SIPA1L3: variants seen among roughly 807,000 people sequenced by gnomAD.
The protein encoded by SIPA1L3 is signal-induced proliferation-associated 1-like protein 3.
A neutral mutation model predicts 150.1 loss-of-function variants in SIPA1L3; 59 were observed. That is an observed-to-expected ratio of 0.39 (90% confidence interval 0.32 to 0.49). The LOEUF is 0.49. Ranked by LOEUF, SIPA1L3 falls within the 20% of genes least tolerant of loss-of-function variation. SIPA1L3 has a pLI of 0.86. For synonymous variants in SIPA1L3, 1,070 were observed against 1,077.6 expected (o/e 0.99, Z 0.14); for missense variants, 2,211 against 2,489.5 (o/e 0.89, Z 2.38).
intron 1 of SIPA1L3, among the ~76,000 whole-genome samples, chr19:37,920,613 A>T (rs778810711): frequency 6.6e-5 from 10 of 152,200 alleles, no homozygotes; most frequent in South Asian, 2.1e-4. Context: ...AAGTACAACA[A>T]ATTTCACCCA....
intron 1 of SIPA1L3, among the ~76,000 whole-genome samples, chr19:38,027,973 G>T (rs1285871802): frequency 6.6e-6 from 1 of 152,020 alleles, no homozygotes; most frequent in African/African-American, 2.4e-5. Flanking sequence ...GCACTTGTCT[G>T]CTAGGACAGA....
At position 38,082,749 on chromosome 19, in the gene SIPA1L3, T is replaced by C; in HGVS notation, c.1184T>C (p.Leu395Pro). The C allele has an allele frequency of 6.2e-7, 1 of 1,612,848 alleles. No individual in the cohort carries two copies. The highest frequency in any genetic ancestry group is 8.5e-7 in the Non-Finnish European group (1 of 1,179,846). Residue 395 changes from leucine (L) to proline (P), a missense_variant, in exon 3 of 22, where the codon CTG (leucine) becomes CCG (proline). Physicochemically the swap from Leu to Pro is moderately conservative, Grantham distance 98 (BLOSUM62 -3). Coordinates refer to ENST00000222345, the MANE Select transcript of SIPA1L3 (RefSeq NM_015073.3). ...TASRAHSLGGLDPAFTSTEDL... is the reference protein window; with the variant it reads ...TASRAHSLGGPDPAFTSTEDL... ...TCGCGGGCCCACAGCCTCGGAGGCC[T>C]GGACCCGGCCTTCACCAGCACAGAG...
At chr19:38,171,357 T>C (rs532504392) in intron 15 of SIPA1L3, among the ~76,000 whole-genome samples, 33 of 146,650 alleles carry the variant, frequency 2.3e-4, no homozygotes, top group Non-Finnish European at 4.3e-4. Flanking sequence ...CTGGGCAACA[T>C]AGACCCATCT....
chr19:38,201,245 A>T (rs1485656989), intron 19 of SIPA1L3, among the ~76,000 whole-genome samples: 2 of 152,198 alleles, frequency 1.3e-5, no homozygotes, highest in African/African-American at 4.8e-5. Flanking sequence ...ACAGGAAGAA[A>T]ATCTAAGTCA....
At position 38,099,997 on chromosome 19, in the gene SIPA1L3, T is replaced by C. The variant is rs1970463732; in HGVS notation, c.1701T>C (p.Ala567=). ...TGCGGGGCTCCATCCTGGAAGATGC[T>C]ACGCCCACAGCCACCAAGCATGGGA... ...ITLRGSILED[A]TPTATKHGTG... Residue 567 remains alanine (A), a synonymous_variant, in exon 5 of 22, where the codon GCT becomes GCC. Coordinates refer to ENST00000222345, the MANE Select transcript of SIPA1L3 (RefSeq NM_015073.3). The C allele has an allele frequency of 2.5e-6, 4 of 1,609,748 alleles. No homozygotes were observed. The Admixed American group carries it at 5.1e-5, about 20-fold the overall frequency.
At chr19:37,989,108 G>A (rs567134774) in intron 1 of SIPA1L3, among the ~76,000 whole-genome samples, 1 of 152,354 alleles carries the variant, frequency 6.6e-6, no homozygotes, top group African/African-American at 2.4e-5. Context: ...GGTGTTGGCT[G>A]TGTGATTGAG....
chr19:37,908,145 T>G (rs2046350520), intron 1 of SIPA1L3, among the ~76,000 whole-genome samples: 2 of 152,206 alleles, frequency 1.3e-5, no homozygotes, highest in South Asian at 4.1e-4. Context: ...ATTCAGCGTT[T>G]TCCTAGTGGC....
Position 37,959,240 on chromosome 19 carries a change from G to A in SIPA1L3, c.-379+51882G>A, listed in dbSNP as rs141729331. Among the ~76,000 whole-genome samples the A allele has an allele frequency of 1.7e-4, 26 of 152,290 alleles. No homozygotes were observed. The East Asian group carries it at 3.3e-3, about 19-fold the overall frequency. ...CTTGTGCATACATGTTCAGAGTAGC[G>A]TTATTCGTAACCCCAGAAGTGAAAA... On this transcript the variant is annotated intron_variant, in intron 1 of 21. Transcript: ENST00000222345.
chr19:38,190,233 C>A lies in SIPA1L3; in HGVS notation c.4431-1912C>A, dbSNP rs140590893. Among the ~76,000 whole-genome samples the A allele has an allele frequency of 8.2e-4, 125 of 152,298 alleles. 1 individual carries two copies. The highest frequency in any genetic ancestry group is 2.9e-3 in the African/African-American group (119 of 41,554). ...GCGTGCTGAAGGCCAGGCCTGCTTCCTCACTGCCGGGAGATGGGCACCATG... is the reference window on the plus strand; with the variant it reads ...GCGTGCTGAAGGCCAGGCCTGCTTCATCACTGCCGGGAGATGGGCACCATG... On this transcript the variant is annotated intron_variant, in intron 16 of 21. Coordinates refer to ENST00000222345, the MANE Select transcript of SIPA1L3 (RefSeq NM_015073.3).
intron 1 of SIPA1L3, chr19:37,932,277 G>A (rs62112287): frequency 0.054 from 8,244 of 152,346 alleles, 257 homozygotes; most frequent in East Asian, 0.11. Flanking sequence ...TAGGCGAGCC[G>A]CCTTTGTTAC....
chr19:37,917,021 C>G (rs1300204614), intron 1 of SIPA1L3, among the ~76,000 whole-genome samples: 1 of 151,552 alleles, frequency 6.6e-6, no homozygotes, highest in Non-Finnish European at 1.5e-5. Flanking sequence ...TTTCTAGTAG[C>G]CATATTTTGA....
At position 38,110,417 on chromosome 19, in the gene SIPA1L3, A is replaced by G. The variant is rs779266623; in HGVS notation, c.2291+33A>G. The G allele has an allele frequency of 1.9e-6, 3 of 1,591,190 alleles. No individual in the cohort carries two copies. In the East Asian group the frequency reaches 6.8e-5, roughly 36 times the overall value. ...CCCCACACCCGGCCCCCAGCAGCGTATGGAGAGAGGGGCAGGCAGCTGGCC... is the reference window on the plus strand; with the variant it reads ...CCCCACACCCGGCCCCCAGCAGCGTGTGGAGAGAGGGGCAGGCAGCTGGCC... On this transcript the variant is annotated intron_variant, in intron 8 of 21. Coordinates refer to ENST00000222345, the MANE Select transcript of SIPA1L3 (RefSeq NM_015073.3).
At chr19:38,062,764 G>A (rs560657188) in intron 2 of SIPA1L3, among the ~76,000 whole-genome samples, 72 of 152,264 alleles carry the variant, frequency 4.7e-4, no homozygotes, top group African/African-American at 1.6e-3. Context: ...AGGATTACAG[G>A]CGTGCATCAC....
chr19:37,950,102 A>C (rs1023036861), intron 1 of SIPA1L3, among the ~76,000 whole-genome samples: 6 of 142,094 alleles, frequency 4.2e-5, no homozygotes, highest in Non-Finnish European at 9.1e-5. Flanking sequence ...AAAAAAAAAG[A>C]GTGTGACCAC....
intron 1 of SIPA1L3, among the ~76,000 whole-genome samples, chr19:37,994,338 T>C (rs1967582398): frequency 6.6e-6 from 1 of 152,152 alleles, no homozygotes; most frequent in Admixed American, 6.5e-5. Context: ...GCTCAGGTGC[T>C]CTGGGATATG....
At chr19:38,151,681 G>T (rs1301463997) in intron 12 of SIPA1L3, among the ~76,000 whole-genome samples, 1 of 151,966 alleles carries the variant, frequency 6.6e-6, no homozygotes, top group Non-Finnish European at 1.5e-5. Context: ...GGGCCACTGG[G>T]GCCGGGCATG....
At chr19:38,165,696 G>C (rs1972193359) in intron 15 of SIPA1L3, among the ~76,000 whole-genome samples, 2 of 152,228 alleles carry the variant, frequency 1.3e-5, no homozygotes, top group Non-Finnish European at 2.9e-5. Flanking sequence ...CAGCCCAGCT[G>C]CTGGCCCCCA....
chr19:37,914,387 T>G (rs1345641337), intron 1 of SIPA1L3, among the ~76,000 whole-genome samples: 5 of 151,808 alleles, frequency 3.3e-5, no homozygotes, highest in Non-Finnish European at 4.4e-5. Context: ...TTTTTTTTTT[T>G]TGTGGCAGGG....
rs1043287527 is a variant in SIPA1L3, at chr19:37,911,569, C to T, written c.-379+4211C>T. 2.7e-5 allele frequency among the ~76,000 whole-genome samples: 4 copies of T among 150,298 alleles called. No individual in the cohort carries two copies. The Admixed American group carries it at 2.7e-4, about 10-fold the overall frequency. On this transcript the variant is annotated intron_variant, in intron 1 of 21. Coordinates refer to ENST00000222345, the MANE Select transcript of SIPA1L3 (RefSeq NM_015073.3). ...TATCGCCCAGGCTGGAGTGCAGTGG[C>T]GCAATCTCAGCTCACTGCAAGCTCC...
Sources: allele counts gnomAD v4.1 joint callset (sites outside exome capture counted in the v4.1 genomes callset), GRCh38; gene constraint gnomAD v4.1.1; transcripts MANE v1.5; gene names NCBI Gene and HGNC (gene_info 2026-07-23, HGNC 2026-07-21).